The following INSC variants were observed in gnomAD, a reference collection of about 807,000 sequenced individuals.
The protein encoded by INSC is INSC spindle orientation adaptor protein.
INSC carries 67 observed loss-of-function variants against 58.6 expected under a neutral mutation model. The observed-to-expected ratio is 1.14, with a 90% CI of 0.94 to 1.40. INSC has a LOEUF of 1.40. INSC is among the 40% of genes most tolerant of loss of function. The pLI, the probability that INSC is intolerant of heterozygous loss-of-function variation, is 0.00. For missense variants in INSC, 714 were observed against 692.0 expected (o/e 1.03, Z -0.36); for synonymous variants, 262 against 276.1 (o/e 0.95, Z 0.51).
At chr11:15,114,715 C>A (rs1414671458), upstream of INSC, among the ~76,000 whole-genome samples, 1 of 152,200 alleles carries the variant, frequency 6.6e-6, no homozygotes, top group Non-Finnish European at 1.5e-5. Flanking sequence ...ATGTTTCCCC[C>A]CCCAGGGGCA....
intron 9 of INSC, among the ~76,000 whole-genome samples, chr11:15,232,645 G>T (rs75875812): frequency 3.9e-5 from 6 of 152,034 alleles, no homozygotes; most frequent in African/African-American, 1.2e-4. Context: ...TTTATATAGC[G>T]ACACGGGTTT....
intron 1 of INSC, among the ~76,000 whole-genome samples, chr11:15,123,714 C>CCTGAG (rs1165393983): frequency 6.6e-6 from 1 of 152,138 alleles, no homozygotes; most frequent in Admixed American, 6.5e-5. Context: ...AAGTGGCATC[C>CCTGAG]CTGAGCTGTG....
At chr11:15,252,618 C>T in the INSC span, among the ~76,000 whole-genome samples, 5 of 152,000 alleles carry the variant, frequency 3.3e-5, no homozygotes, top group East Asian at 1.9e-4. Context: ...AGATAGAGGC[C>T]GATAGAATCT....
rs139505767 is a variant in INSC, at chr11:15,179,546, C to T, written c.579+1099C>T. ...CTTCTGGCTTGACTGACATGCTGGTCCTGCCTCACCCCCACTCCTCCCACA... is the reference window on the plus strand; with the variant it reads ...CTTCTGGCTTGACTGACATGCTGGTTCTGCCTCACCCCCACTCCTCCCACA... On this transcript the variant is annotated intron_variant, in intron 5 of 12. Coordinates refer to ENST00000379556, the MANE Select transcript of INSC (RefSeq NM_001042536.3). Among the ~76,000 whole-genome samples, 488 of 152,266 alleles carry T rather than the reference C, an allele frequency of 3.2e-3. 2 individuals are homozygous for T. Among genetic ancestry groups the T allele is most frequent in the African/African-American group, 0.011 (459 of 41,548 alleles).
downstream of INSC, among the ~76,000 whole-genome samples, chr11:15,250,343 G>A (rs1256662107): frequency 6.6e-6 from 1 of 152,152 alleles, no homozygotes; most frequent in African/African-American, 2.4e-5. Flanking sequence ...CTTAGGTTTA[G>A]GATTAAGATT....
chr11:15,233,723 C>CTCCCTCCT (rs996288670), intron 9 of INSC, among the ~76,000 whole-genome samples: 5 of 151,952 alleles, frequency 3.3e-5, no homozygotes, highest in Middle Eastern at 3.4e-3. Flanking sequence ...ACCTCCCTTC[C>CTCCCTCCT]TCCCTCCTTC....
At chr11:15,236,240 G>GT (rs1564921505) in intron 10 of INSC, among the ~76,000 whole-genome samples, 1 of 151,792 alleles carries the variant, frequency 6.6e-6, no homozygotes, top group Non-Finnish European at 1.5e-5. Flanking sequence ...CAATAATAGC[G>GT]TGACAGTGCC....
At chr11:15,166,545 G>C (rs999202157) in intron 2 of INSC, among the ~76,000 whole-genome samples, 4 of 152,130 alleles carry the variant, frequency 2.6e-5, no homozygotes, top group Non-Finnish European at 5.9e-5. Flanking sequence ...CTAGAGCAGA[G>C]GATAGGGTGG....
intron 7 of INSC, among the ~76,000 whole-genome samples, chr11:15,212,907 T>C (rs1393096723): frequency 6.6e-6 from 1 of 152,206 alleles, no homozygotes; most frequent in Non-Finnish European, 1.5e-5. Context: ...GTTACTGATT[T>C]CAGGGAAAAA....
intron 5 of INSC, among the ~76,000 whole-genome samples, chr11:15,179,989 G>C (rs1219970765): frequency 6.6e-6 from 1 of 152,202 alleles, no homozygotes; most frequent in African/African-American, 2.4e-5. Flanking sequence ...GGACGCAGTG[G>C]CTCACGCCTG....
chr11:15,131,452 A>G (rs553621345), intron 1 of INSC, among the ~76,000 whole-genome samples: 1 of 152,164 alleles, frequency 6.6e-6, no homozygotes, highest in Non-Finnish European at 1.5e-5. Context: ...AATAATGTGT[A>G]TTCTGGGTGT....
At chr11:15,230,588 T>G (rs533348888) in intron 9 of INSC, among the ~76,000 whole-genome samples, 2 of 152,226 alleles carry the variant, frequency 1.3e-5, no homozygotes, top group African/African-American at 4.8e-5. Context: ...ATCCAAAACA[T>G]ATCAGGGATA....
At chr11:15,223,430 G>A (rs1366115767) in intron 8 of INSC, among the ~76,000 whole-genome samples, 1 of 152,174 alleles carries the variant, frequency 6.6e-6, no homozygotes, top group Non-Finnish European at 1.5e-5. Flanking sequence ...CTGTTCTTTG[G>A]TGGGAAATAG....
At chr11:15,262,711 T>G in the INSC span, among the ~76,000 whole-genome samples, 1 of 148,764 alleles carries the variant, frequency 6.7e-6, no homozygotes, top group South Asian at 2.1e-4. Context: ...AGCCCAAGAA[T>G]TTTGATTAAA....
chr11:15,157,795 T>C (rs958459107), intron 2 of INSC, among the ~76,000 whole-genome samples: 4 of 152,220 alleles, frequency 2.6e-5, no homozygotes, highest in Admixed American at 6.5e-5. Context: ...GGTGGGGCCA[T>C]GTGGGATTCA....
At chr11:15,249,998 C>A (rs912364822), downstream of INSC, among the ~76,000 whole-genome samples, 6 of 152,238 alleles carry the variant, frequency 3.9e-5, no homozygotes, top group Non-Finnish European at 8.8e-5. Context: ...TGGCCTAAAG[C>A]ATACACATTG....
At chr11:15,169,687 G>A (rs1298841538) in intron 2 of INSC, among the ~76,000 whole-genome samples, 8 of 151,858 alleles carry the variant, frequency 5.3e-5, no homozygotes, top group African/African-American at 9.7e-5. Flanking sequence ...GATTACAGGC[G>A]TGTGTCACCA....
chr11:15,121,144 T>G (rs1847862708), intron 1 of INSC, among the ~76,000 whole-genome samples: 1 of 152,096 alleles, frequency 6.6e-6, no homozygotes, highest in Non-Finnish European at 1.5e-5. Flanking sequence ...TCGTTAAGTA[T>G]ATATTTCCTT....
At chr11:15,122,977 C>T (rs1363793762) in intron 1 of INSC, among the ~76,000 whole-genome samples, 3 of 152,294 alleles carry the variant, frequency 2.0e-5, no homozygotes, top group South Asian at 4.2e-4. Context: ...GGCCCTGCTG[C>T]CCTCTCCTAC....
Sources: allele counts gnomAD v4.1 joint callset (sites outside exome capture counted in the v4.1 genomes callset), GRCh38; gene constraint gnomAD v4.1.1; transcripts MANE v1.5; gene names NCBI Gene and HGNC (gene_info 2026-07-23, HGNC 2026-07-21).